The following RAD51B variants were observed in gnomAD, a reference collection of about 807,000 sequenced individuals.
RAD51B encodes RAD51 paralog B.
Under a neutral mutation model 42.2 loss-of-function variants are expected in RAD51B, and 38 were observed. The observed-to-expected ratio is 0.90, with a 90% CI of 0.70 to 1.18. RAD51B has a LOEUF of 1.18. Among genes scored for constraint, RAD51B ranks in the 50% most tolerant of loss-of-function variants. The probability of loss-of-function intolerance (pLI) is 0.00; values close to 1 mark genes in which losing one functional copy is unlikely to be tolerated. For synonymous variants in RAD51B, 154 were observed against 145.2 expected, an observed-to-expected ratio of 1.06 and a Z score of -0.43; for missense variants, 373 against 400.7, an observed-to-expected ratio of 0.93 and a Z score of 0.59.
intron 8 of RAD51B, among the ~76,000 whole-genome samples, chr14:68,337,423 A>T (rs1335971152): frequency 2.6e-5 from 4 of 152,240 alleles, no homozygotes; most frequent in African/African-American, 9.6e-5. Flanking sequence ...TCTGTGTGAA[A>T]GTAGATGCTA....
At chr14:68,442,780 C>T (rs2085331521) in intron 9 of RAD51B, among the ~76,000 whole-genome samples, 2 of 146,210 alleles carry the variant, frequency 1.4e-5, no homozygotes, top group African/African-American at 2.4e-5. Context: ...TTTATGCTAA[C>T]CTGTGATATT....
chr14:68,594,845 G>T, exon 11 of RAD51B: 1 of 1,186,440 alleles, frequency 8.4e-7, no homozygotes, highest in Non-Finnish European at 1.1e-6. Flanking sequence ...CCCCTCCCCA[G>T]ACCAAATGTC....
chr14:68,350,902 T>C (rs1678517587), intron 8 of RAD51B, among the ~76,000 whole-genome samples: 3 of 152,338 alleles, frequency 2.0e-5, no homozygotes, highest in Middle Eastern at 6.8e-3. Flanking sequence ...ACAACTTAAG[T>C]AAAATCACAA....
intron 8 of RAD51B, among the ~76,000 whole-genome samples, chr14:68,391,286 A>G (rs1047639514): frequency 6.6e-6 from 1 of 151,564 alleles, no homozygotes; most frequent in Non-Finnish European, 1.5e-5. Context: ...GTGTTGTCAC[A>G]TATATATCAG....
At chr14:68,001,313 AT>A (rs1202438000) in intron 7 of RAD51B, among the ~76,000 whole-genome samples, 1 of 151,738 alleles carries the variant, frequency 6.6e-6, no homozygotes, top group African/African-American at 2.4e-5. Flanking sequence ...TCATAGTGGG[AT>A]TTTTTCTTAT....
intron 7 of RAD51B, among the ~76,000 whole-genome samples, chr14:68,154,526 ACT>A (rs1165115465): frequency 6.6e-6 from 1 of 151,832 alleles, no homozygotes; most frequent in Non-Finnish European, 1.5e-5. Flanking sequence ...TTTGAGGGAG[ACT>A]CTCTAAGATC....
intron 7 of RAD51B, among the ~76,000 whole-genome samples, chr14:68,105,294 A>G (rs1388497429): frequency 1.3e-5 from 2 of 151,954 alleles, no homozygotes; most frequent in African/African-American, 4.8e-5. Context: ...GGATTGGTAA[A>G]TGCTCTCCAA....
chr14:67,820,633 TTGA>T (rs2040595350), intron 1 of RAD51B, among the ~76,000 whole-genome samples: 1 of 152,100 alleles, frequency 6.6e-6, no homozygotes, highest in South Asian at 2.1e-4. Flanking sequence ...ATGTGCGAAG[TTGA>T]TGAGAACATT....
intron 7 of RAD51B, among the ~76,000 whole-genome samples, chr14:68,014,199 C>CTT (rs35420035): frequency 2.9e-5 from 4 of 138,350 alleles, no homozygotes; most frequent in South Asian, 2.3e-4. Flanking sequence ...TCTTTTCTTT[C>CTT]TTTTTTTTTT....
intron 7 of RAD51B, among the ~76,000 whole-genome samples, chr14:67,910,437 A>T (rs867299841): frequency 2.5e-5 from 2 of 80,586 alleles, no homozygotes; most frequent in East Asian, 4.9e-4. Flanking sequence ...AAAAAAAAAA[A>T]AAAAATATTT....
intron 9 of RAD51B, among the ~76,000 whole-genome samples, chr14:68,438,466 T>C (rs1445940210): frequency 3.3e-5 from 5 of 152,114 alleles, no homozygotes; most frequent in African/African-American, 9.7e-5. Context: ...GCTTGGAACA[T>C]GCGTTGTTTC....
intron 7 of RAD51B, among the ~76,000 whole-genome samples, chr14:68,194,532 A>G (rs906570830): frequency 1.3e-5 from 2 of 152,222 alleles, no homozygotes; most frequent in Non-Finnish European, 2.9e-5. Context: ...CCAGGGACGG[A>G]TTACTGTGAA....
intron 8 of RAD51B, among the ~76,000 whole-genome samples, chr14:68,388,094 A>ATT (rs10676248): frequency 0.03 from 3,599 of 118,808 alleles, 102 homozygotes; most frequent in African/African-American, 0.052. Flanking sequence ...ATATATATAT[A>ATT]TTTTTTTTTT....
intron 4 of RAD51B, among the ~76,000 whole-genome samples, chr14:67,863,962 C>T (rs1015696174): frequency 2.6e-5 from 4 of 151,594 alleles, no homozygotes; most frequent in African/African-American, 7.3e-5. Context: ...TATGGCAGAA[C>T]AGGAGAGAGA....
intron 10 of RAD51B, chr14:68,563,811 G>GCAGT: frequency 1.0e-6 from 1 of 985,374 alleles, no homozygotes; most frequent in Non-Finnish European, 1.2e-6. Context: ...TCGGTAATGA[G>GCAGT]CAGTCCTTGG....
At chr14:68,623,215 C>A (rs934083702) in intron 10 of RAD51B, among the ~76,000 whole-genome samples, 2 of 152,176 alleles carry the variant, frequency 1.3e-5, no homozygotes, top group African/African-American at 2.4e-5. Context: ...TTCCCTCCCC[C>A]AGGACTGCCT....
chr14:68,562,162 A>G, intron 10 of RAD51B: 1 of 985,408 alleles, frequency 1.0e-6, no homozygotes, highest in Non-Finnish European at 1.2e-6. Context: ...CTGAAGAGGC[A>G]ACGCTTACAA....
At chr14:68,602,794 A>G (rs1891278009) in intron 10 of RAD51B, among the ~76,000 whole-genome samples, 1 of 152,122 alleles carries the variant, frequency 6.6e-6, no homozygotes, top group Admixed American at 6.5e-5. Context: ...ATTTGACGAG[A>G]TATCCGGGTA....
chr14:67,875,899 G>A (rs2042710382), intron 5 of RAD51B, among the ~76,000 whole-genome samples: 1 of 152,136 alleles, frequency 6.6e-6, no homozygotes, highest in Non-Finnish European at 1.5e-5. Flanking sequence ...TTGCTTGTTG[G>A]TATAAATTTG....
Sources: gnomAD v4.1 joint callset for allele counts (sites outside exome capture counted in the v4.1 genomes callset) on GRCh38, gnomAD v4.1.1 for gene constraint, MANE v1.5 for transcripts, NCBI Gene and HGNC (gene_info 2026-07-23, HGNC 2026-07-21) for gene names.